The following AHCYL2 variants were observed in gnomAD, a reference collection of about 807,000 sequenced individuals.
The protein encoded by AHCYL2 is S-adenosylhomocysteine hydrolase-like protein 2.
AHCYL2 carries 28 observed loss-of-function variants against 81.4 expected under a neutral mutation model. The observed-to-expected ratio is 0.34, with a 90% confidence interval of 0.25 to 0.47. AHCYL2 has a LOEUF of 0.47. Among genes scored for constraint, AHCYL2 ranks in the 20% least tolerant of loss-of-function variants. The pLI is 1.00. For synonymous variants in AHCYL2, 272 were observed against 290.2 expected (o/e 0.94, Z 0.64); for missense variants, 551 against 785.1 (o/e 0.70, Z 3.56).
At chr7:129,425,464 T>C (rs1797321122) in intron 15 of AHCYL2, among the ~76,000 whole-genome samples, 1 of 152,094 alleles carries the variant, frequency 6.6e-6, no homozygotes, top group Non-Finnish European at 1.5e-5. Flanking sequence ...AAGAATCATC[T>C]CCTACCTTGT....
intron 1 of AHCYL2, among the ~76,000 whole-genome samples, chr7:129,249,025 T>C (rs1795156242): frequency 1.4e-5 from 2 of 143,388 alleles, no homozygotes; most frequent in Non-Finnish European, 3.0e-5. Flanking sequence ...GGAGACATAG[T>C]CTCACTTCCT....
intron 1 of AHCYL2, among the ~76,000 whole-genome samples, chr7:129,289,702 T>G (rs2150749114): frequency 6.6e-6 from 1 of 152,328 alleles, no homozygotes; most frequent in South Asian, 2.1e-4. Context: ...TCATAAACTC[T>G]TGGGTTTAAA....
At chr7:129,369,627 A>G (rs1023666371) in intron 1 of AHCYL2, among the ~76,000 whole-genome samples, 1 of 142,418 alleles carries the variant, frequency 7.0e-6, no homozygotes, top group Non-Finnish European at 1.5e-5. Context: ...ATCTCAGCTC[A>G]CTGCAACCTC....
At chr7:129,302,160 T>G (rs1470238678) in intron 1 of AHCYL2, among the ~76,000 whole-genome samples, 5 of 152,214 alleles carry the variant, frequency 3.3e-5, no homozygotes, top group Admixed American at 1.3e-4. Context: ...CGTTACTTCC[T>G]TGATTTCTTT....
chr7:129,306,185 GTC>G (rs1797435005), intron 1 of AHCYL2, among the ~76,000 whole-genome samples: 1 of 152,054 alleles, frequency 6.6e-6, no homozygotes, highest in South Asian at 2.1e-4. Context: ...TACTTTCTAT[GTC>G]TGTCTCTACC....
intron 1 of AHCYL2, among the ~76,000 whole-genome samples, chr7:129,255,864 G>T (rs1444237659): frequency 6.6e-6 from 1 of 152,138 alleles, no homozygotes; most frequent in Non-Finnish European, 1.5e-5. Context: ...CTACTTGGGA[G>T]GCTGAAGCAG....
At chr7:129,385,306 T>A (rs989338459) in intron 2 of AHCYL2, among the ~76,000 whole-genome samples, 1 of 152,200 alleles carries the variant, frequency 6.6e-6, no homozygotes, top group Non-Finnish European at 1.5e-5. Context: ...ACCAAATGAA[T>A]AGGTTAGGCC....
chr7:129,301,131 T>G (rs1312622428), intron 1 of AHCYL2, among the ~76,000 whole-genome samples: 1 of 152,230 alleles, frequency 6.6e-6, no homozygotes, highest in African/African-American at 2.4e-5. Flanking sequence ...GAGCATCTTT[T>G]CATACACCTG....
intron 4 of AHCYL2, among the ~76,000 whole-genome samples, chr7:129,393,412 A>AT (rs1795565300): frequency 6.6e-6 from 1 of 152,186 alleles, no homozygotes; most frequent in Non-Finnish European, 1.5e-5. Context: ...ACAGAGTGAG[A>AT]CCCTGTCTCA....
At chr7:129,238,011 C>T (rs1286739878) in intron 1 of AHCYL2, among the ~76,000 whole-genome samples, 3 of 152,136 alleles carry the variant, frequency 2.0e-5, no homozygotes, top group East Asian at 1.9e-4. Context: ...TGAGCCACCA[C>T]ACCTGGCCAA....
At chr7:129,282,548 T>C (rs377181374) in intron 1 of AHCYL2, among the ~76,000 whole-genome samples, 1 of 152,172 alleles carries the variant, frequency 6.6e-6, no homozygotes. Flanking sequence ...TCTGTAGAAG[T>C]TGGATTTAGG....
At chr7:129,283,263 T>C in intron 1 of AHCYL2, 1 of 426,652 alleles carries the variant, frequency 2.3e-6, no homozygotes, top group South Asian at 1.7e-5. Context: ...AACTGCACCT[T>C]GGAAATATTC....
At chr7:129,330,661 C>T (rs1400284393) in intron 1 of AHCYL2, among the ~76,000 whole-genome samples, 1 of 151,622 alleles carries the variant, frequency 6.6e-6, no homozygotes, top group South Asian at 2.1e-4. Context: ...CGAGGTTTCA[C>T]CGTGTTAGCC....
At chr7:129,381,848 A>G (rs545210397) in intron 2 of AHCYL2, among the ~76,000 whole-genome samples, 1 of 152,356 alleles carries the variant, frequency 6.6e-6, no homozygotes, top group African/African-American at 2.4e-5. Flanking sequence ...GAACTAATCT[A>G]CAGGAAGTGT....
chr7:129,346,918 C>T (rs1480173081), intron 1 of AHCYL2, among the ~76,000 whole-genome samples: 1 of 152,174 alleles, frequency 6.6e-6, no homozygotes, highest in African/African-American at 2.4e-5. Context: ...GGTAAATAAA[C>T]TGTGGTACAT....
intron 1 of AHCYL2, among the ~76,000 whole-genome samples, chr7:129,317,584 T>C (rs190043822): frequency 6.6e-6 from 1 of 152,252 alleles, no homozygotes; most frequent in East Asian, 1.9e-4. Flanking sequence ...GTTAGCAGAA[T>C]CCCGTATGGG....
Position 129,368,497 on chromosome 7 carries a change from G to A in AHCYL2, c.364-11141G>A. On this transcript the variant is annotated intron_variant, in intron 1 of 16. Transcript: ENST00000325006. The surrounding 1 kb of genome is among the most constrained non-coding windows in gnomAD (Gnocchi z 4.4). Reference sequence around the variant, plus strand: ...CATATCTTACCCAAGCCTGCACTATGGAGAAGTGGGACGGTAATGAGGGCA... The same window carrying A: ...CATATCTTACCCAAGCCTGCACTATAGAGAAGTGGGACGGTAATGAGGGCA... 1 of 1,614,012 alleles carries A rather than the reference G, an allele frequency of 6.2e-7. No homozygotes were observed.
chr7:129,318,523 T>A (rs1017828410), intron 1 of AHCYL2, among the ~76,000 whole-genome samples: 4 of 152,340 alleles, frequency 2.6e-5, no homozygotes, highest in Non-Finnish European at 4.4e-5. Flanking sequence ...TTTAAATCCA[T>A]GGTGGTGGGT....
intron 1 of AHCYL2, among the ~76,000 whole-genome samples, chr7:129,230,195 G>A (rs1794377235): frequency 6.9e-6 from 1 of 145,420 alleles, no homozygotes. Context: ...CGATTCTCCT[G>A]TCTTGCCCTC....
Sources: gnomAD v4.1 joint callset for allele counts (sites outside exome capture counted in the v4.1 genomes callset) on GRCh38, gnomAD v4.1.1 for gene constraint, Gnocchi (gnomAD v3.1) non-coding constraint, MANE v1.5 for transcripts, NCBI Gene and HGNC (gene_info 2026-07-23, HGNC 2026-07-21) for gene names.